JAKMIP2: variants seen among roughly 807,000 people sequenced by gnomAD.
JAKMIP2 encodes the protein janus kinase and microtubule interacting protein 2.
In JAKMIP2, 25 loss-of-function variants were observed where a neutral mutation model predicts 115.0. That is an observed-to-expected ratio of 0.22 (90% CI 0.16 to 0.30). JAKMIP2 has a LOEUF of 0.30. JAKMIP2 is among the 10% of genes least tolerant of loss of function. JAKMIP2 has a pLI of 1.00. For synonymous variants in JAKMIP2, 334 were observed against 343.6 expected (o/e 0.97, Z 0.31); for missense variants, 642 against 957.6 (o/e 0.67, Z 4.35).
At chr5:147,602,198 G>A (rs1313258584) in intron 20 of JAKMIP2, among the ~76,000 whole-genome samples, 1 of 152,144 alleles carries the variant, frequency 6.6e-6, no homozygotes. Context: ...TCATGCACAA[G>A]AGGGTATTTC....
chr5:147,640,383 C>G (rs1021927929), intron 9 of JAKMIP2, among the ~76,000 whole-genome samples: 4 of 152,162 alleles, frequency 2.6e-5, no homozygotes, highest in African/African-American at 9.6e-5. Context: ...TCAACAGTGT[C>G]AGACCACATC....
intron 5 of JAKMIP2, among the ~76,000 whole-genome samples, chr5:147,648,080 A>G (rs917528552): frequency 1.3e-5 from 2 of 152,238 alleles, no homozygotes; most frequent in African/African-American, 2.4e-5. Flanking sequence ...TCATTTACAA[A>G]AAAATGTTTA....
chr5:147,782,031 T>A (rs551945397), intron 1 of JAKMIP2, among the ~76,000 whole-genome samples: 1 of 152,200 alleles, frequency 6.6e-6, no homozygotes, highest in African/African-American at 2.4e-5. Flanking sequence ...AACCACCTTA[T>A]AATGAGTCTG....
At chr5:147,705,311 TA>T (rs1367348128) in intron 1 of JAKMIP2, among the ~76,000 whole-genome samples, 2 of 152,124 alleles carry the variant, frequency 1.3e-5, no homozygotes, top group African/African-American at 2.4e-5. Context: ...AGTTGTTAAG[TA>T]AACAATAAGG....
At chr5:147,725,083 G>T (rs1753463697) in intron 1 of JAKMIP2, among the ~76,000 whole-genome samples, 1 of 152,096 alleles carries the variant, frequency 6.6e-6, no homozygotes. Flanking sequence ...AGTGACCTCT[G>T]GTTGTCCTCA....
intron 10 of JAKMIP2, among the ~76,000 whole-genome samples, chr5:147,638,783 C>T (rs929393108): frequency 6.6e-6 from 1 of 151,802 alleles, no homozygotes; most frequent in Non-Finnish European, 1.5e-5. Context: ...AGTCACAAGG[C>T]TAGGAAACCT....
intron 1 of JAKMIP2, among the ~76,000 whole-genome samples, chr5:147,702,632 GAA>G (rs1325993988): frequency 8.2e-6 from 1 of 121,362 alleles, no homozygotes; most frequent in African/African-American, 3.5e-5. Flanking sequence ...AAGAAAGAAA[GAA>G]AGAAAGAAAG....
At chr5:147,711,385 A>G (rs1003088493) in intron 1 of JAKMIP2, among the ~76,000 whole-genome samples, 4 of 152,156 alleles carry the variant, frequency 2.6e-5, no homozygotes, top group African/African-American at 9.7e-5. Context: ...TGGAAGTGAG[A>G]CCTCAGTAGT....
chr5:147,765,885 G>A (rs947531543), intron 1 of JAKMIP2, among the ~76,000 whole-genome samples: 1 of 151,814 alleles, frequency 6.6e-6, no homozygotes, highest in African/African-American at 2.4e-5. Flanking sequence ...AAACATCTTT[G>A]AGTTCATTGC....
At chr5:147,751,235 C>G (rs1414743086) in intron 1 of JAKMIP2, among the ~76,000 whole-genome samples, 2 of 150,044 alleles carry the variant, frequency 1.3e-5, no homozygotes, top group East Asian at 4.0e-4. Context: ...CCAGGCCCGG[C>G]TAAGTTGTTT....
chr5:147,668,306 C>A (rs75826555), intron 2 of JAKMIP2, among the ~76,000 whole-genome samples: 35 of 152,238 alleles, frequency 2.3e-4, no homozygotes, highest in Non-Finnish European at 2.1e-4. Context: ...GAGTAAAAAG[C>A]CCTGGGGCAG....
chr5:147,769,745 G>A (rs1755281486), intron 1 of JAKMIP2, among the ~76,000 whole-genome samples: 2 of 150,572 alleles, frequency 1.3e-5, no homozygotes, highest in South Asian at 4.2e-4. Flanking sequence ...AGAGCGCCTG[G>A]ATCCTATCCT....
intron 21 of JAKMIP2, among the ~76,000 whole-genome samples, chr5:147,596,755 T>G (rs531721243): frequency 3.9e-5 from 6 of 152,326 alleles, no homozygotes; most frequent in Non-Finnish European, 8.8e-5. Flanking sequence ...TATATATGAC[T>G]GGATAAAGCT....
At chr5:147,617,370 C>A (rs927517775) in intron 19 of JAKMIP2, among the ~76,000 whole-genome samples, 1 of 152,104 alleles carries the variant, frequency 6.6e-6, no homozygotes, top group African/African-American at 2.4e-5. Flanking sequence ...ATACTTACCT[C>A]ATAGGGCTAT....
At chr5:147,707,223 C>A (rs1285961385) in intron 1 of JAKMIP2, among the ~76,000 whole-genome samples, 1 of 152,170 alleles carries the variant, frequency 6.6e-6, no homozygotes, top group Non-Finnish European at 1.5e-5. Context: ...TTAATAAGTG[C>A]AGTGTTTCTG....
At chr5:147,648,226 T>C in intron 5 of JAKMIP2, 150 bp downstream of exon 5, 1 of 526,080 alleles carries the variant, frequency 1.9e-6, no homozygotes, top group South Asian at 3.1e-5. Context: ...TGGTGGTTTT[T>C]TGAGTGTGCC....
intron 1 of JAKMIP2, among the ~76,000 whole-genome samples, chr5:147,768,340 C>A (rs930529026): frequency 1.3e-5 from 2 of 152,160 alleles, no homozygotes; most frequent in Non-Finnish European, 1.5e-5. Flanking sequence ...CCTACACATA[C>A]GCCTAACTTA....
chr5:147,629,179 G>A (rs962076561), intron 15 of JAKMIP2, among the ~76,000 whole-genome samples: 2 of 152,016 alleles, frequency 1.3e-5, no homozygotes, highest in Non-Finnish European at 2.9e-5. Context: ...ATTTTTCAAG[G>A]GAAAAACGGT....
chr5:147,675,091 C>CA (rs1165167944), intron 1 of JAKMIP2, among the ~76,000 whole-genome samples: 1 of 152,130 alleles, frequency 6.6e-6, no homozygotes, highest in African/African-American at 2.4e-5. Context: ...TTGCTTGTAG[C>CA]AAAAATGTGC....
Sources: gnomAD v4.1 joint callset for allele counts (sites outside exome capture counted in the v4.1 genomes callset) on GRCh38, gnomAD v4.1.1 for gene constraint, MANE v1.5 for transcripts, NCBI Gene and HGNC (gene_info 2026-07-23, HGNC 2026-07-21) for gene names.